The following PIK3C3 variants were observed in gnomAD, a reference collection of about 807,000 sequenced individuals.
PIK3C3 encodes phosphatidylinositol 3-kinase catalytic subunit type 3.
Under a neutral mutation model 126.1 loss-of-function variants are expected in PIK3C3, and 95 were observed. The ratio of observed to expected loss-of-function variants is 0.75; its 90% CI spans 0.64 to 0.89. The LOEUF is 0.89. Ranked by LOEUF, PIK3C3 falls within the 40% of genes least tolerant of loss-of-function variation. The probability of loss-of-function intolerance (pLI) is 0.00; values close to 1 mark genes in which losing one functional copy is unlikely to be tolerated. For missense variants in PIK3C3, 829 were observed against 1,063.2 expected, an observed-to-expected ratio of 0.78 and a Z score of 3.06; for synonymous variants, 374 against 360.0, an observed-to-expected ratio of 1.04 and a Z score of -0.44.
chr18:42,054,127 T>G (rs1984927151), intron 21 of PIK3C3, among the ~76,000 whole-genome samples: 1 of 1,402 alleles, frequency 7.1e-4, no homozygotes, highest in African/African-American at 5.0e-3. Flanking sequence ...GAACTAATGG[T>G]ATATATATAT....
At position 42,083,688 on chromosome 18, in the gene PIK3C3, C is replaced by T. The variant is rs562245422; in HGVS notation, c.*2551C>T. 4 of 152,218 alleles carry T rather than the reference C, an allele frequency of 2.6e-5. No homozygotes were observed. The highest frequency in any genetic ancestry group is 9.6e-5 in the African/African-American group (4 of 41,536). The allele number at this position is 152,218 out of a possible 1,614,324, so 9.4% of individuals were successfully genotyped here. On this transcript the variant is annotated 3_prime_UTR_variant, in exon 25 of 25. Coordinates refer to ENST00000262039, the MANE Select transcript of PIK3C3 (RefSeq NM_002647.4). ...AGGGCTATACTAATTGCTTCATATG[C>T]CTTATCTCATTATTCTGTGAGATAG...
At chr18:42,028,910 A>T (rs1277324929) in intron 14 of PIK3C3, among the ~76,000 whole-genome samples, 2 of 152,146 alleles carry the variant, frequency 1.3e-5, no homozygotes, top group African/African-American at 4.8e-5. Flanking sequence ...TTAAAAGTTG[A>T]TTTTTAGTTC....
intron 3 of PIK3C3, among the ~76,000 whole-genome samples, chr18:41,968,944 A>T (rs1980511609): frequency 6.6e-6 from 1 of 151,866 alleles, no homozygotes; most frequent in African/African-American, 2.4e-5. Flanking sequence ...CAGCCCCCTA[A>T]AAACTACAGG....
chr18:41,990,437 T>G, intron 5 of PIK3C3, 22 bp from the exon 6 acceptor site: 1 of 1,353,756 alleles, frequency 7.4e-7, no homozygotes. Context: ...TCATTTTTCA[T>G]GAAAATCATT....
chr18:41,996,778 G>C, intron 9 of PIK3C3, 48 bp downstream of exon 9: 1 of 932,228 alleles, frequency 1.1e-6, no homozygotes, highest in Non-Finnish European at 1.7e-6. Context: ...TACCAACTTT[G>C]TTATTAATGA....
chr18:41,985,447 A>G (rs1981421538), intron 4 of PIK3C3, among the ~76,000 whole-genome samples: 1 of 152,162 alleles, frequency 6.6e-6, no homozygotes, highest in African/African-American at 2.4e-5. Flanking sequence ...AGACATGCAA[A>G]CAATTTCCAT....
chr18:42,001,794 T>C (rs1304558302), intron 9 of PIK3C3, among the ~76,000 whole-genome samples: 1 of 152,192 alleles, frequency 6.6e-6, no homozygotes, highest in East Asian at 1.9e-4. Flanking sequence ...TTATAATAAG[T>C]ACATACCCGC....
chr18:42,045,360 T>G (rs1312178528), intron 20 of PIK3C3, among the ~76,000 whole-genome samples: 1 of 152,212 alleles, frequency 6.6e-6, no homozygotes, highest in Non-Finnish European at 1.5e-5. Context: ...CCATTTCTCT[T>G]CTGTTTTTCT....
intron 16 of PIK3C3, 120 bp from the exon 17 acceptor site, chr18:42,037,572 G>T: frequency 2.4e-6 from 2 of 825,526 alleles, no homozygotes; most frequent in Non-Finnish European, 3.7e-6. Context: ...AACCCAACTT[G>T]TTTTTTAGGT....
At chr18:41,994,022 CT>C (rs956100868) in intron 7 of PIK3C3, among the ~76,000 whole-genome samples, 2 of 152,136 alleles carry the variant, frequency 1.3e-5, no homozygotes, top group African/African-American at 4.8e-5. Context: ...CATTCCAACT[CT>C]TTTTGTTCTA....
Position 41,955,265 on chromosome 18 carries a change from G to GTA in PIK3C3, c.-26_-25dup. 1 of 1,600,420 alleles carries GTA rather than the reference G, an allele frequency of 6.2e-7. No individual in the cohort carries two copies. Among genetic ancestry groups the GTA allele is most frequent in the Admixed American group, 1.7e-5 (1 of 59,360 alleles). On this transcript the variant is annotated 5_prime_UTR_variant, in exon 1 of 25. Transcript: ENST00000262039. ...TTTTTCCTGTACCTAAGTTCCCGCT[G>GTA]TAGGTGGTACCTTTGCAGACGGTGC...
In PIK3C3 at chr18:42,013,573, A is replaced by T; in HGVS notation, c.1302A>T (p.Gly434=). 1 of 1,603,892 alleles carries T rather than the reference A, an allele frequency of 6.2e-7. No homozygotes were observed. The highest frequency in any genetic ancestry group is 8.5e-7 in the Non-Finnish European group (1 of 1,174,426). ...SSVSENVSNS[G]INSAEIDSSQ... ...TGTCAGAAAATGTGTCAAATTCTGG[A>T]ATAAATTCTGCAGAAATAGATAGGT... Residue 434 remains glycine (G), a synonymous_variant, in exon 11 of 25, where the codon GGA becomes GGT. Transcript: ENST00000262039.
At chr18:41,999,769 A>C (rs763020671) in intron 9 of PIK3C3, among the ~76,000 whole-genome samples, 2 of 152,208 alleles carry the variant, frequency 1.3e-5, no homozygotes, top group African/African-American at 4.8e-5. Context: ...TGACCAGATC[A>C]GTGTGCTGTG....
At chr18:42,057,065 C>CCCAG (rs1555640562) in intron 21 of PIK3C3, among the ~76,000 whole-genome samples, 254 of 142,506 alleles carry the variant, frequency 1.8e-3, no homozygotes, top group African/African-American at 6.0e-3. Flanking sequence ...TGAACCCCCC[C>CCCAG]CCCCGTGTTG....
intron 24 of PIK3C3, among the ~76,000 whole-genome samples, chr18:42,069,690 T>G (rs1283517848): frequency 6.6e-6 from 1 of 152,238 alleles, no homozygotes; most frequent in Non-Finnish European, 1.5e-5. Flanking sequence ...TTACTCCATC[T>G]CTATCTACAA....
intron 3 of PIK3C3, 29 bp from the exon 4 acceptor site, chr18:41,970,298 T>G: frequency 6.2e-7 from 1 of 1,604,622 alleles, no homozygotes; most frequent in East Asian, 2.2e-5. Flanking sequence ...TTAATTTACT[T>G]CTACCCTGAA....
intron 15 of PIK3C3, 69 bp downstream of exon 15, chr18:42,029,510 T>C: frequency 2.3e-6 from 2 of 853,116 alleles, no homozygotes; most frequent in South Asian, 2.8e-5. Context: ...ATTTTCACTA[T>C]TGTCTTTTTG....
intron 21 of PIK3C3, 55 bp from the exon 22 acceptor site, chr18:42,057,828 T>C (rs1354268433): frequency 6.7e-6 from 10 of 1,490,358 alleles, no homozygotes; most frequent in Non-Finnish European, 9.3e-6. Flanking sequence ...ACATATCACC[T>C]ACCCAGTTCT....
Position 41,970,427 on chromosome 18 carries a change from T to C in PIK3C3, c.502T>C (p.Ser168Pro). The C allele has an allele frequency of 6.2e-7, 1 of 1,613,866 alleles. No individual in the cohort carries two copies. The highest frequency in any genetic ancestry group is 8.5e-7 in the Non-Finnish European group (1 of 1,179,882). ...TCCTGGCAGAACAAGTAGCACTCTC[T>C]CAGAAGATCAGATGAGCCGTCTTGC... ...KTPGRTSSTL[S>P]EDQMSRLAKL... Residue 168 changes from serine to proline, a missense_variant, in exon 4 of 25, where the codon TCA (serine) becomes CCA (proline). Physicochemically the swap from Ser to Pro is moderately conservative, Grantham distance 74. Around this residue, in one of 4 missense-constraint regions of PIK3C3, gnomAD observed 313 missense variants for 340.7 expected, o/e 0.92. Transcript: ENST00000262039.
Sources: gnomAD v4.1 joint callset for allele counts (sites outside exome capture counted in the v4.1 genomes callset) on GRCh38, gnomAD v4.1.1 for gene constraint, gnomAD v4.1.1 regional missense constraint, MANE v1.5 for transcripts, NCBI Gene and HGNC (gene_info 2026-07-23, HGNC 2026-07-21) for gene names.